The following ADAMTS19 variants were observed in gnomAD, a reference collection of about 807,000 sequenced individuals.
ADAMTS19 encodes the protein ADAM metallopeptidase with thrombospondin type 1 motif 19, also known as A disintegrin and metalloproteinase with thrombospondin motifs 19.
ADAMTS19 carries 93 observed loss-of-function variants against 153.3 expected under a neutral mutation model. The observed-to-expected ratio is 0.61, with a 90% CI of 0.51 to 0.72. The LOEUF (loss-of-function observed/expected upper bound fraction) is 0.72, where lower values mean the gene tolerates loss of function less well. Among genes scored for constraint, ADAMTS19 ranks in the 30% least tolerant of loss-of-function variants. The pLI is 0.00. For synonymous variants in ADAMTS19, 600 were observed against 556.6 expected, an observed-to-expected ratio of 1.08 and a Z score of -1.10; for missense variants, 1,482 against 1,552.1, an observed-to-expected ratio of 0.95 and a Z score of 0.76.
intron 13 of ADAMTS19, 110 bp downstream of exon 13, chr5:129,649,080 CTTTAAT>C (rs1490724881): frequency 3.5e-6 from 4 of 1,137,932 alleles, no homozygotes; most frequent in African/African-American, 1.5e-5. Context: ...TATTTCTGAA[CTTTAAT>C]TTTTTCTACC....
intron 21 of ADAMTS19, among the ~76,000 whole-genome samples, chr5:129,719,591 A>AT (rs66696211): frequency 0.12 from 18,444 of 152,188 alleles, 1,411 homozygotes; most frequent in East Asian, 0.31. Context: ...ATTACTTCAA[A>AT]TTATAACTTA....
chr5:129,665,681 G>A, intron 16 of ADAMTS19, 102 bp downstream of exon 16: 1 of 923,462 alleles, frequency 1.1e-6, no homozygotes, highest in Non-Finnish European at 1.6e-6. Flanking sequence ...CTAGTTTTAT[G>A]TTTGAACTTC....
intron 21 of ADAMTS19, among the ~76,000 whole-genome samples, chr5:129,731,208 T>G (rs1581272229): frequency 6.6e-6 from 1 of 152,018 alleles, no homozygotes; most frequent in Admixed American, 6.6e-5. Flanking sequence ...ACTGCCGGCC[T>G]CAGCCTCCCA....
intron 6 of ADAMTS19, 109 bp from the exon 7 acceptor site, chr5:129,551,755 A>T: frequency 1.6e-6 from 1 of 622,570 alleles, no homozygotes; most frequent in Middle Eastern, 4.2e-4. Flanking sequence ...ATTCTTGGAG[A>T]TGACAGATGT....
intron 21 of ADAMTS19, among the ~76,000 whole-genome samples, chr5:129,721,903 G>A (rs2127201396): frequency 6.6e-6 from 1 of 152,216 alleles, no homozygotes; most frequent in African/African-American, 2.4e-5. Context: ...TCTTCCAGCT[G>A]TATCCATGTC....
intron 18 of ADAMTS19, among the ~76,000 whole-genome samples, chr5:129,691,099 T>TA (rs769208620): frequency 7.9e-5 from 12 of 152,124 alleles, no homozygotes; most frequent in Non-Finnish European, 5.9e-5. Flanking sequence ...TATTTTATAG[T>TA]AAAAAGTGTC....
At chr5:129,701,089 G>T (rs575440435) in intron 19 of ADAMTS19, among the ~76,000 whole-genome samples, 2 of 151,164 alleles carry the variant, frequency 1.3e-5, no homozygotes, top group South Asian at 4.2e-4. Context: ...GGTCTTTCCC[G>T]TGCTGTTCTC....
At chr5:129,729,054 G>C (rs1188691447) in intron 21 of ADAMTS19, among the ~76,000 whole-genome samples, 1 of 152,022 alleles carries the variant, frequency 6.6e-6, no homozygotes, top group African/African-American at 2.4e-5. Flanking sequence ...CTAGATGACA[G>C]TAACTTTTAA....
intron 4 of ADAMTS19, among the ~76,000 whole-genome samples, chr5:129,527,272 A>G (rs990986185): frequency 6.6e-6 from 1 of 151,894 alleles, no homozygotes; most frequent in Non-Finnish European, 1.5e-5. Flanking sequence ...GCAAATGTCC[A>G]TTTATAAGTC....
intron 7 of ADAMTS19, among the ~76,000 whole-genome samples, chr5:129,566,502 G>A (rs1482567778): frequency 2.0e-5 from 3 of 152,154 alleles, no homozygotes; most frequent in African/African-American, 4.8e-5. Flanking sequence ...TGATTGGGAA[G>A]AAGATATGAA....
chr5:129,510,868 T>C (rs1751419659), intron 3 of ADAMTS19, among the ~76,000 whole-genome samples: 1 of 150,468 alleles, frequency 6.6e-6, no homozygotes, highest in African/African-American at 2.4e-5. Flanking sequence ...TATATATATA[T>C]ATATATATAT....
chr5:129,651,689 C>T (rs1268408450), intron 13 of ADAMTS19, among the ~76,000 whole-genome samples: 1 of 152,156 alleles, frequency 6.6e-6, no homozygotes, highest in African/African-American at 2.4e-5. Flanking sequence ...TCCCTCTGAT[C>T]CTCCAAATTA....
chr5:129,522,332 C>CACATAT lies in ADAMTS19; in HGVS notation c.914-3951_914-3950insCATATA, dbSNP rs1309115957. ...ATATATATATACACACACACACACA[C>CACATAT]ATATATATATATATATATATATATA... On this transcript the variant is annotated intron_variant, in intron 3 of 22. Transcript: ENST00000274487. 3.4e-3 allele frequency among the ~76,000 whole-genome samples: 199 copies of CACATAT among 58,588 alleles called. 1 individual carries two copies. The highest frequency in any genetic ancestry group is 6.2e-3 in the South Asian group (9 of 1,452). 38.4% of individuals were successfully genotyped at this position (58,588 alleles called of 152,430 possible). A position where few individuals can be genotyped will look rare whatever the true frequency, so the allele number is the denominator to read the frequency against.
chr5:129,602,467 C>G (rs1200239218), intron 8 of ADAMTS19, among the ~76,000 whole-genome samples: 1 of 152,180 alleles, frequency 6.6e-6, no homozygotes, highest in African/African-American at 2.4e-5. Context: ...ACAGTGTCTT[C>G]TTTTATTAGC....
intron 7 of ADAMTS19, among the ~76,000 whole-genome samples, chr5:129,595,906 T>G (rs1041754292): frequency 6.6e-6 from 1 of 151,980 alleles, no homozygotes; most frequent in Non-Finnish European, 1.5e-5. Flanking sequence ...AATATTGCCA[T>G]TTTTACTGAT....
chr5:129,626,320 A>C lies in ADAMTS19; in HGVS notation c.1770+3972A>C, dbSNP rs1752045243. 2.6e-5 allele frequency among the ~76,000 whole-genome samples: 4 copies of C among 152,154 alleles called. No homozygotes were observed. In the South Asian group the frequency reaches 8.3e-4, roughly 31 times the overall value. Reference sequence around the variant, plus strand: ...TTTTTTTGTCTCCTATAGCACCTATACTATCAGTTTTAACCAGTATCTTAA... The same window carrying C: ...TTTTTTTGTCTCCTATAGCACCTATCCTATCAGTTTTAACCAGTATCTTAA... On this transcript the variant is annotated intron_variant, in intron 10 of 22. Coordinates refer to ENST00000274487, the MANE Select transcript of ADAMTS19 (RefSeq NM_133638.6).
intron 10 of ADAMTS19, among the ~76,000 whole-genome samples, chr5:129,624,674 T>C (rs886803412): frequency 6.6e-6 from 1 of 152,182 alleles, no homozygotes; most frequent in Admixed American, 6.6e-5. Context: ...TCTGTTAAAT[T>C]GTAGATTCTT....
chr5:129,526,273 C>A lies in ADAMTS19; in HGVS notation c.914-11C>A. On this transcript the variant is annotated splice_polypyrimidine_tract_variant and intron_variant, in intron 3 of 22. Transcript: ENST00000274487. ...TGAAGGTGCATTGAAAAATTCAATT[C>A]TCTGTTGCAGATAAAGGAAGACCTA... The A allele has an allele frequency of 5.8e-6, 9 of 1,545,998 alleles. No homozygotes were observed. The highest frequency in any genetic ancestry group is 7.8e-6 in the Non-Finnish European group (9 of 1,153,080).
intron 2 of ADAMTS19, among the ~76,000 whole-genome samples, chr5:129,462,904 G>A (rs1749732160): frequency 6.6e-6 from 1 of 152,134 alleles, no homozygotes. Context: ...TCCAACAGCA[G>A]TGGATAGCAG....
Sources: allele counts gnomAD v4.1 joint callset (sites outside exome capture counted in the v4.1 genomes callset), GRCh38; gene constraint gnomAD v4.1.1; transcripts MANE v1.5; gene names NCBI Gene and HGNC (gene_info 2026-07-23, HGNC 2026-07-21).